Variants in MBTD1 observed in about 807,000 individuals in gnomAD.
The protein encoded by MBTD1 is MBT domain-containing protein 1.
In MBTD1, 24 loss-of-function variants were observed where a neutral mutation model predicts 87.8. That is an observed-to-expected ratio of 0.27 (90% CI 0.20 to 0.38). MBTD1 has a LOEUF of 0.38. MBTD1 is among the 10% of genes least tolerant of loss of function. The probability of loss-of-function intolerance (pLI) is 1.00; values close to 1 mark genes in which losing one functional copy is unlikely to be tolerated. For synonymous variants in MBTD1, 237 were observed against 248.6 expected, an observed-to-expected ratio of 0.95 and a Z score of 0.44; for missense variants, 436 against 760.2, an observed-to-expected ratio of 0.57 and a Z score of 5.02.
At chr17:51,260,419 A>G (rs1467830642), upstream of MBTD1, 3 of 700,034 alleles carry the variant, frequency 4.3e-6, no homozygotes, top group Admixed American at 3.2e-5. Flanking sequence ...GGGGCTGGGT[A>G]GGGGAGCGGG....
chr17:51,200,756 CAG>C, intron 12 of MBTD1, among the ~76,000 whole-genome samples: 1 of 151,242 alleles, frequency 6.6e-6, no homozygotes, highest in South Asian at 2.1e-4. Context: ...CCCAGCTACT[CAG>C]GGGGCCGAGG....
chr17:51,206,820 A>T, intron 7 of MBTD1, 68 bp downstream of exon 7: 1 of 1,111,006 alleles, frequency 9.0e-7, no homozygotes, highest in Admixed American at 2.0e-5. Context: ...ATTTATAAAC[A>T]TGCTTTTTTT....
chr17:51,255,118 T>C (rs1425558439), intron 2 of MBTD1, among the ~76,000 whole-genome samples: 2 of 151,932 alleles, frequency 1.3e-5, no homozygotes, highest in African/African-American at 4.8e-5. Flanking sequence ...CCACCTCTAC[T>C]AAAAATACAA....
rs2055364743 is a variant in MBTD1, at chr17:51,259,826, G to C, written c.-113+9C>G. On this transcript the variant is annotated intron_variant, in intron 1 of 16. Coordinates refer to ENST00000586178, the MANE Select transcript of MBTD1 (RefSeq NM_017643.3). Reference sequence around the variant, plus strand: ...GGCACACAAAGCGGCTGCCGCGCTCGGCTCTCACCAGATCCTTTGTGTTTT... The same window carrying C: ...GGCACACAAAGCGGCTGCCGCGCTCCGCTCTCACCAGATCCTTTGTGTTTT... The C allele has an allele frequency of 8.1e-7, 1 of 1,232,144 alleles. No homozygotes were observed. 76.3% of individuals were successfully genotyped at this position (1,232,144 alleles called of 1,614,324 possible). A position where few individuals can be genotyped will look rare whatever the true frequency, so the allele number is the denominator to read the frequency against.
chr17:51,260,733 C>G (rs2055431923), upstream of MBTD1: 2 of 1,591,068 alleles, frequency 1.3e-6, no homozygotes, highest in Non-Finnish European at 1.7e-6. Context: ...CAGCGGAAAC[C>G]GCCGGCCCGG....
rs984465961 is a variant in MBTD1, at chr17:51,177,984, G to A, written c.*2592C>T. On this transcript the variant is annotated 3_prime_UTR_variant, in exon 17 of 17. Transcript: ENST00000586178. ...AAAAACAAACAAACACTGAAAACCCGTGTTAGTATCGTAGAATAAGAAGTT... is the reference window on the plus strand; with the variant it reads ...AAAAACAAACAAACACTGAAAACCCATGTTAGTATCGTAGAATAAGAAGTT... 3.9e-5 allele frequency: 6 copies of A among 152,034 alleles called. No individual in the cohort carries two copies. The highest frequency in any genetic ancestry group is 4.1e-4 in the South Asian group (2 of 4,830). The allele number at this position is 152,034 out of a possible 1,614,324, so 9.4% of individuals were successfully genotyped here. A position where few individuals can be genotyped will look rare whatever the true frequency, so the allele number is the denominator to read the frequency against.
chr17:51,193,384 G>T, intron 14 of MBTD1, 44 bp downstream of exon 14: 1 of 1,254,116 alleles, frequency 8.0e-7, no homozygotes, highest in Non-Finnish European at 1.2e-6. Flanking sequence ...TATTTGTGGG[G>T]CATTAATAAG....
At chr17:51,206,433 C>T (rs1450149004) in intron 7 of MBTD1, among the ~76,000 whole-genome samples, 5 of 152,020 alleles carry the variant, frequency 3.3e-5, no homozygotes, top group Non-Finnish European at 7.4e-5. Context: ...AGTACCTCAA[C>T]TTTTGTTACT....
At chr17:51,194,472 G>A (rs2050971094) in intron 13 of MBTD1, among the ~76,000 whole-genome samples, 1 of 144,374 alleles carries the variant, frequency 6.9e-6, no homozygotes. Flanking sequence ...TGGGAGAGGA[G>A]GCACAAGAAT....
intron 3 of MBTD1, among the ~76,000 whole-genome samples, chr17:51,221,931 C>T (rs2052920550): frequency 6.6e-6 from 1 of 152,044 alleles, no homozygotes; most frequent in African/African-American, 2.4e-5. Flanking sequence ...TATGAGAAAT[C>T]ATGGAAAAAA....
chr17:51,194,166 T>A (rs1454642642), intron 13 of MBTD1, among the ~76,000 whole-genome samples: 3 of 152,258 alleles, frequency 2.0e-5, no homozygotes, highest in Non-Finnish European at 4.4e-5. Context: ...CTATTTTTTA[T>A]AGACCTCTGT....
chr17:51,244,017 T>C (rs2054295852), intron 2 of MBTD1, among the ~76,000 whole-genome samples: 1 of 152,348 alleles, frequency 6.6e-6, no homozygotes, highest in Non-Finnish European at 1.5e-5. Flanking sequence ...GATGTTAATG[T>C]TGATTACTTT....
At chr17:51,239,384 TTAAC>T (rs2054036587) in intron 2 of MBTD1, among the ~76,000 whole-genome samples, 1 of 152,212 alleles carries the variant, frequency 6.6e-6, no homozygotes, top group African/African-American at 2.4e-5. Context: ...CATAAAATAC[TTAAC>T]TTTTTATTTA....
intron 3 of MBTD1, among the ~76,000 whole-genome samples, chr17:51,223,602 G>A (rs1469284190): frequency 1.3e-5 from 2 of 152,176 alleles, no homozygotes; most frequent in East Asian, 1.9e-4. Flanking sequence ...TTGAGAGGCC[G>A]AGGCAGGCAG....
rs1035677226 is a variant in MBTD1, at chr17:51,239,526, T to C, written c.-48-14317A>G. On this transcript the variant is annotated intron_variant, in intron 2 of 16. Transcript: ENST00000586178. ...TTTTTCCCTCTCAACCATTAATGAA[T>C]GGTTTATATGCTTTAAGCCCTTTTA... Among the ~76,000 whole-genome samples the C allele has an allele frequency of 2.0e-5, 3 of 152,220 alleles. No individual in the cohort carries two copies. In the East Asian group the frequency reaches 5.8e-4, roughly 29 times the overall value.
chr17:51,254,891 G>A (rs1657312013), intron 2 of MBTD1, among the ~76,000 whole-genome samples: 1 of 152,178 alleles, frequency 6.6e-6, no homozygotes, highest in African/African-American at 2.4e-5. Context: ...ATCATTATCA[G>A]CTATCAATTC....
chr17:51,238,898 G>A (rs889461127), intron 2 of MBTD1, among the ~76,000 whole-genome samples: 8 of 152,036 alleles, frequency 5.3e-5, no homozygotes, highest in Non-Finnish European at 1.0e-4. Context: ...TCAGGAGTTC[G>A]AGACCAGCCT....
Position 51,224,624 on chromosome 17 carries a change from C to T in MBTD1, c.154+384G>A, listed in dbSNP as rs543169522. On this transcript the variant is annotated intron_variant, in intron 3 of 16. Coordinates refer to ENST00000586178, the MANE Select transcript of MBTD1 (RefSeq NM_017643.3). The stretch of plus-strand genomic sequence containing the variant: ...TACTGAGTCAGAGAATATCCAAGCA[C>T]CAGTTATGTTAAAACGGAAATTATA... Among the ~76,000 whole-genome samples the T allele has an allele frequency of 2.6e-5, 4 of 152,240 alleles. No homozygotes were observed. In the East Asian group the frequency reaches 7.7e-4, roughly 29 times the overall value.
intron 2 of MBTD1, chr17:51,250,162 C>T (rs975884504): frequency 1.3e-5 from 2 of 151,790 alleles, no homozygotes; most frequent in Non-Finnish European, 2.9e-5. Flanking sequence ...ACCTAAGCCT[C>T]CCAAAGTGCT....
Sources: allele counts gnomAD v4.1 joint callset (sites outside exome capture counted in the v4.1 genomes callset), GRCh38; gene constraint gnomAD v4.1.1; transcripts MANE v1.5; gene names NCBI Gene and HGNC (gene_info 2026-07-23, HGNC 2026-07-21).